Variants in WASL observed in about 807,000 individuals in gnomAD.
WASL encodes actin nucleation-promoting factor WASL.
A neutral mutation model predicts 55.5 loss-of-function variants in WASL; 20 were observed. The ratio of observed to expected loss-of-function variants is 0.36; its 90% CI spans 0.25 to 0.52. WASL has a LOEUF of 0.52. Among genes scored for constraint, WASL ranks in the 20% least tolerant of loss-of-function variants. The probability of loss-of-function intolerance (pLI) is 0.92; values close to 1 mark genes in which losing one functional copy is unlikely to be tolerated. For missense variants in WASL, 504 were observed against 622.5 expected (o/e 0.81, Z 2.03); for synonymous variants, 249 against 217.6 (o/e 1.14, Z -1.27).
At chr7:123,734,884 AGAGTAGGGAAGGAG>A (rs1804199816) in intron 1 of WASL, among the ~76,000 whole-genome samples, 1 of 152,130 alleles carries the variant, frequency 6.6e-6, no homozygotes, top group Non-Finnish European at 1.5e-5. Flanking sequence ...GAGAAACTGA[AGAGTAGGGAAGGAG>A]ACAGAGTATA....
In WASL at chr7:123,683,976, C is replaced by G. The variant is rs1803244244; in HGVS notation, c.*543G>C. ...TAGTGATTTTATGTAGAGCATATTG[C>G]TAAAATTTGAGAAACTACATCGGTG... On this transcript the variant is annotated 3_prime_UTR_variant, in exon 11 of 11. Transcript: ENST00000223023. 6.6e-6 allele frequency: 1 copy of G among 151,824 alleles called. No homozygotes were observed. Among genetic ancestry groups the G allele is most frequent in the South Asian group, 2.1e-4 (1 of 4,818 alleles). The allele number at this position is 151,824 out of a possible 1,614,324, so 9.4% of individuals were successfully genotyped here.
intron 1 of WASL, among the ~76,000 whole-genome samples, chr7:123,729,928 G>A (rs536682724): frequency 1.3e-5 from 2 of 152,214 alleles, no homozygotes; most frequent in Non-Finnish European, 2.9e-5. Context: ...TTCATTCTGT[G>A]TGCCTTCAAT....
chr7:123,731,116 A>G (rs1338600476), intron 1 of WASL, among the ~76,000 whole-genome samples: 2 of 152,232 alleles, frequency 1.3e-5, no homozygotes, highest in Non-Finnish European at 2.9e-5. Context: ...TGGAGCAGCT[A>G]TATTAATTTC....
intron 1 of WASL, among the ~76,000 whole-genome samples, chr7:123,728,328 C>G (rs1052025917): frequency 6.6e-6 from 1 of 152,098 alleles, no homozygotes; most frequent in Non-Finnish European, 1.5e-5. Context: ...AAATTTAAAA[C>G]TGAGCAAACT....
At chr7:123,715,215 T>C (rs1803820808) in intron 1 of WASL, among the ~76,000 whole-genome samples, 2 of 152,184 alleles carry the variant, frequency 1.3e-5, no homozygotes. Flanking sequence ...TGACTTGTTT[T>C]GATGAAGAAG....
At position 123,748,885 on chromosome 7, in the gene WASL, G is replaced by A; in HGVS notation, c.-151C>T. 1 of 645,984 alleles carries A rather than the reference G, an allele frequency of 1.5e-6. No individual in the cohort carries two copies. The highest frequency in any genetic ancestry group is 2.5e-6 in the Non-Finnish European group (1 of 392,524). 40.0% of individuals were successfully genotyped at this position (645,984 alleles called of 1,614,324 possible). On this transcript the variant is annotated 5_prime_UTR_variant, in exon 1 of 11. Coordinates refer to ENST00000223023, the MANE Select transcript of WASL (RefSeq NM_003941.4). ...CCGGAGCGGGGAGGAGGACGAGGTC[G>A]AGGGAAGCAGGCGCTGACGGCGAGC...
intron 1 of WASL, among the ~76,000 whole-genome samples, chr7:123,743,279 G>A (rs1453400825): frequency 3.3e-5 from 5 of 150,716 alleles, no homozygotes; most frequent in African/African-American, 1.2e-4. Context: ...CGAGGTTGCA[G>A]TGAGCCGAGA....
chr7:123,682,677 T>C lies in WASL; in HGVS notation c.*1842A>G, dbSNP rs1803216254. On this transcript the variant is annotated 3_prime_UTR_variant, in exon 11 of 11. Coordinates refer to ENST00000223023, the MANE Select transcript of WASL (RefSeq NM_003941.4). ...AAAGAAAAAATTTTTTCAATTAACA[T>C]TACTTAAAATAATTATAATGTTCCA... The C allele has an allele frequency of 6.6e-6, 1 of 152,114 alleles. No homozygotes were observed. Among genetic ancestry groups the C allele is most frequent in the Admixed American group, 6.6e-5 (1 of 15,242 alleles). The allele number at this position is 152,114 out of a possible 1,614,324, so 9.4% of individuals were successfully genotyped here. A position where few individuals can be genotyped will look rare whatever the true frequency, so the allele number is the denominator to read the frequency against.
chr7:123,695,161 A>C (rs1044440328), intron 7 of WASL, among the ~76,000 whole-genome samples: 2 of 152,122 alleles, frequency 1.3e-5, no homozygotes, highest in African/African-American at 4.8e-5. Flanking sequence ...GTCCTAAGTA[A>C]GTATGTAAAA....
intron 1 of WASL, among the ~76,000 whole-genome samples, chr7:123,734,331 T>G (rs1254810390): frequency 6.6e-6 from 1 of 152,086 alleles, no homozygotes; most frequent in African/African-American, 2.4e-5. Flanking sequence ...ACAAAGGACC[T>G]GGACGTCTCA....
rs775026250 is a variant in WASL, at chr7:123,748,654, G to A, written c.81C>T (p.Asn27=). 3.7e-6 allele frequency: 6 copies of A among 1,613,204 alleles called. No homozygotes were observed. Among genetic ancestry groups the A allele is most frequent in the Admixed American group, 3.3e-5 (2 of 59,972 alleles). Residue 27 remains asparagine (N), a synonymous_variant, in exon 1 of 11, where the codon AAC becomes AAT. Transcript: ENST00000223023. The part of the protein sequence containing the change: ...VGSLLLTPQE[N]ESLFTFLGKK... The stretch of plus-strand genomic sequence containing the variant: ...TGCCGAGGAAAGTGAAGAGGGACTC[G>A]TTCTCCTGCGGGGTGAGCAACAGGG...
Position 123,748,863 on chromosome 7 carries a change from G to C in WASL, c.-129C>G, listed in dbSNP as rs1227049600. The C allele has an allele frequency of 4.2e-6, 3 of 722,340 alleles. No individual in the cohort carries two copies. The highest frequency in any genetic ancestry group is 1.9e-5 in the South Asian group (1 of 52,656). 44.7% of individuals were successfully genotyped at this position (722,340 alleles called of 1,614,324 possible). A position where few individuals can be genotyped will look rare whatever the true frequency, so the allele number is the denominator to read the frequency against. ...GGCGCCACATCTCGCAGCTCCTCCG[G>C]AGCGGGGAGGAGGACGAGGTCGAGG... On this transcript the variant is annotated 5_prime_UTR_variant, in exon 1 of 11. Transcript: ENST00000223023.
chr7:123,733,995 C>G (rs1804184679), intron 1 of WASL, among the ~76,000 whole-genome samples: 1 of 149,982 alleles, frequency 6.7e-6, no homozygotes, highest in African/African-American at 2.5e-5. Flanking sequence ...GATGAGAGAT[C>G]TAAATGTCAA....
chr7:123,700,203 A>C (rs1335270377), intron 5 of WASL, among the ~76,000 whole-genome samples: 61 of 71,978 alleles, frequency 8.5e-4, no homozygotes, highest in African/African-American at 3.0e-3. Context: ...AAAAAAAAAA[A>C]AAAACAACAT....
At chr7:123,720,075 TTACCCCCAAACC>T (rs1803915223) in intron 1 of WASL, among the ~76,000 whole-genome samples, 1 of 152,122 alleles carries the variant, frequency 6.6e-6, no homozygotes, top group East Asian at 1.9e-4. Flanking sequence ...AAATATATGG[TTACCCCCAAACC>T]TGTTTCCCAA....
intron 1 of WASL, among the ~76,000 whole-genome samples, chr7:123,738,931 G>C (rs2116824435): frequency 6.6e-6 from 1 of 152,082 alleles, no homozygotes; most frequent in South Asian, 2.1e-4. Flanking sequence ...ACTGTTTTAA[G>C]AAAGTTTATG....
chr7:123,684,166 G>A lies in WASL; in HGVS notation c.*353C>T, dbSNP rs1011450152. ...AAAATTTAGGTACAGAAAAAGTAGG[G>A]TATGAAAATAGTGTTTTCCTTCTGG... On this transcript the variant is annotated 3_prime_UTR_variant, in exon 11 of 11. Transcript: ENST00000223023. The A allele has an allele frequency of 6.6e-6, 1 of 152,366 alleles. No individual in the cohort carries two copies. Among genetic ancestry groups the A allele is most frequent in the Admixed American group, 6.6e-5 (1 of 15,200 alleles). 9.4% of individuals were successfully genotyped at this position (152,366 alleles called of 1,614,324 possible). A position where few individuals can be genotyped will look rare whatever the true frequency, so the allele number is the denominator to read the frequency against.
At chr7:123,711,779 A>G (rs760706958) in intron 1 of WASL, among the ~76,000 whole-genome samples, 7 of 152,198 alleles carry the variant, frequency 4.6e-5, no homozygotes, top group South Asian at 4.1e-4. Flanking sequence ...AATTAAGAAG[A>G]TATTAATGAA....
chr7:123,739,820 C>T (rs536353673), intron 1 of WASL, among the ~76,000 whole-genome samples: 1 of 152,000 alleles, frequency 6.6e-6, no homozygotes, highest in Middle Eastern at 3.4e-3. Flanking sequence ...ATTCAAGTCC[C>T]ACAATGATAT....
Sources: gnomAD v4.1 joint callset for allele counts (sites outside exome capture counted in the v4.1 genomes callset) on GRCh38, gnomAD v4.1.1 for gene constraint, MANE v1.5 for transcripts, NCBI Gene and HGNC (gene_info 2026-07-23, HGNC 2026-07-21) for gene names.